The following C6 variants were observed in gnomAD, a reference collection of about 807,000 sequenced individuals.
The protein encoded by C6 is complement component C6.
C6 carries 101 observed loss-of-function variants against 112.9 expected under a neutral mutation model. That is an observed-to-expected ratio of 0.89 (90% confidence interval 0.76 to 1.06). The LOEUF is 1.06. C6 is among the 50% of genes least tolerant of loss of function. The pLI is 0.00. For synonymous variants in C6, 431 were observed against 384.1 expected (o/e 1.12, Z -1.43); for missense variants, 1,202 against 1,104.6 (o/e 1.09, Z -1.25).
intron 1 of C6, among the ~76,000 whole-genome samples, chr5:41,245,073 T>A (rs1010459774): frequency 1.3e-5 from 2 of 152,228 alleles, no homozygotes; most frequent in Non-Finnish European, 2.9e-5. Context: ...ATAATTATTT[T>A]TGTATCTATT....
Position 41,195,855 on chromosome 5 carries a change from C to T in C6, c.524G>A (p.Arg175Lys), listed in dbSNP as rs1455298198. The change falls in exon 5 of 18, where the codon AGG (arginine) becomes AAG (lysine). Residue 175 changes from arginine to lysine, a missense_variant. By Grantham distance (26) the Arg-to-Lys change is conservative (BLOSUM62 2). Coordinates refer to ENST00000337836, the MANE Select transcript of C6 (RefSeq NM_000065.5). Reference protein sequence around the residue: ...GDNSDERDCGRTKAVCTRKYN... With the variant: ...GDNSDERDCGKTKAVCTRKYN... ...CTTCCGTGTGCATACTGCCTTTGTC[C>T]TCCCACAGTCCCTTTCATCTGAATT... 3 of 1,613,978 alleles carry T rather than the reference C, an allele frequency of 1.9e-6. No homozygotes were observed. The highest frequency in any genetic ancestry group is 2.2e-5 in the East Asian group (1 of 44,858).
At chr5:41,153,470 G>A (rs1037258846) in intron 15 of C6, among the ~76,000 whole-genome samples, 1 of 152,098 alleles carries the variant, frequency 6.6e-6, no homozygotes, top group Non-Finnish European at 1.5e-5. Flanking sequence ...TTATGATCAG[G>A]AGTCTAGTGA....
At chr5:41,144,613 G>T (rs1465849925) in intron 17 of C6, among the ~76,000 whole-genome samples, 2 of 152,014 alleles carry the variant, frequency 1.3e-5, no homozygotes, top group Admixed American at 6.6e-5. Context: ...TAGTTTCAGG[G>T]ATACATGTGT....
chr5:41,234,765 T>C (rs977237811), intron 1 of C6, among the ~76,000 whole-genome samples: 30 of 152,174 alleles, frequency 2.0e-4, no homozygotes, highest in African/African-American at 6.8e-4. Context: ...AAATCAGCTT[T>C]ATAATCATGA....
intron 5 of C6, 137 bp downstream of exon 5, chr5:41,195,655 C>G: frequency 1.1e-6 from 1 of 915,840 alleles, no homozygotes; most frequent in Non-Finnish European, 1.8e-6. Context: ...AACATGGTAG[C>G]TAAGTATCAG....
chr5:41,163,039 A>G (rs1747666869), intron 9 of C6, among the ~76,000 whole-genome samples: 1 of 152,144 alleles, frequency 6.6e-6, no homozygotes, highest in African/African-American at 2.4e-5. Context: ...GGGGCATGGG[A>G]TCCTGAAGAA....
intron 9 of C6, among the ~76,000 whole-genome samples, chr5:41,164,339 C>T (rs1461035892): frequency 6.6e-6 from 1 of 152,092 alleles, no homozygotes; most frequent in East Asian, 1.9e-4. Context: ...TTAGGGAGAT[C>T]ATGGCCCTAA....
chr5:41,227,080 G>A (rs1462662645), intron 1 of C6, among the ~76,000 whole-genome samples: 1 of 152,076 alleles, frequency 6.6e-6, no homozygotes, highest in Admixed American at 6.6e-5. Context: ...CCAACAGTGT[G>A]TAAGAGTTTT....
chr5:41,153,668 G>C (rs1263339872), intron 15 of C6, 142 bp downstream of exon 15: 2 of 653,890 alleles, frequency 3.1e-6, no homozygotes, highest in Admixed American at 2.4e-5. Flanking sequence ...CTATTGCATA[G>C]TTCCGGTTTG....
rs866261314 is a variant in C6 at position 41,158,752 on chromosome 5, C to G, written c.1890G>C (p.Met630Ile). The G allele has an allele frequency of 1.2e-6, 2 of 1,605,852 alleles. No individual in the cohort carries two copies. Among genetic ancestry groups the G allele is most frequent in the African/African-American group, 1.3e-5 (1 of 74,668 alleles). Reference protein sequence around the residue: ...GQPCINDDEEMKEVDLPEIEA... With the variant: ...GQPCINDDEEIKEVDLPEIEA... The stretch of plus-strand genomic sequence containing the variant: ...CTATCTCAGGAAGATCGACCTCTTT[C>G]ATTTCTTCGTCATCATTGATACATG... Residue 630 changes from methionine (M) to isoleucine (I), a missense_variant, in exon 13 of 18, where the codon ATG (methionine) becomes ATC (isoleucine). Coordinates refer to ENST00000337836, the MANE Select transcript of C6 (RefSeq NM_000065.5).
chr5:41,183,976 TA>T (rs113701298), intron 6 of C6, among the ~76,000 whole-genome samples: 1,584 of 141,092 alleles, frequency 0.011, 28 homozygotes, highest in East Asian at 0.045. Context: ...TGGGGTCTAC[TA>T]GGGGGGGAAG....
At position 41,239,161 on chromosome 5, in the gene C6, G is replaced by C. The variant is rs1443211892; in HGVS notation, c.-21+22033C>G. On this transcript the variant is annotated intron_variant, in intron 1 of 17. Coordinates refer to the C6 transcript ENST00000263413. ...GATTCTTGCTCTGTCGCCCAGGCTGGAGTGCAAATGGCATGTTCTTGGTTC... is the reference window on the plus strand; with the variant it reads ...GATTCTTGCTCTGTCGCCCAGGCTGCAGTGCAAATGGCATGTTCTTGGTTC... 2.1e-5 allele frequency among the ~76,000 whole-genome samples: 3 copies of C among 145,448 alleles called. No homozygotes were observed. In the East Asian group the frequency reaches 6.0e-4, roughly 29 times the overall value.
At chr5:41,196,448 AG>A (rs1648270293) in intron 4 of C6, among the ~76,000 whole-genome samples, 1 of 151,890 alleles carries the variant, frequency 6.6e-6, no homozygotes, top group South Asian at 2.1e-4. Context: ...AGGGAGAAGG[AG>A]GGGGAATTAA....
chr5:41,158,966 A>T, intron 12 of C6, 116 bp downstream of exon 12: 1 of 1,314,798 alleles, frequency 7.6e-7, no homozygotes, highest in East Asian at 2.3e-5. Context: ...CTGTGTTGGC[A>T]TAGGTAAAGT....
intron 7 of C6, among the ~76,000 whole-genome samples, chr5:41,180,063 ACTCTGAT>A (rs1580126556): frequency 6.6e-6 from 1 of 152,154 alleles, no homozygotes; most frequent in East Asian, 1.9e-4. Context: ...TTAAATATTG[ACTCTGAT>A]AATCTCTTAG....
intron 1 of C6, among the ~76,000 whole-genome samples, chr5:41,254,198 G>A (rs934880944): frequency 2.0e-5 from 3 of 152,060 alleles, no homozygotes; most frequent in African/African-American, 7.2e-5. Context: ...TCAAGAGATC[G>A]AGACCATCCT....
chr5:41,203,350 T>C (rs1307738896), intron 1 of C6, 100 bp from the exon 2 acceptor site: 3 of 1,319,592 alleles, frequency 2.3e-6, no homozygotes, highest in African/African-American at 1.4e-5. Flanking sequence ...TTAGAAAATA[T>C]TTGCATTTTT....
chr5:41,152,784 G>A (rs1172080162), intron 15 of C6: 3 of 152,208 alleles, frequency 2.0e-5, no homozygotes, highest in East Asian at 3.9e-4. Context: ...CCTGGGAGGA[G>A]CAGCAAGGTA....
chr5:41,175,857 CAT>C (rs1233290650), intron 8 of C6, among the ~76,000 whole-genome samples: 1 of 152,176 alleles, frequency 6.6e-6, no homozygotes, highest in Non-Finnish European at 1.5e-5. Context: ...TGAAAGGAAA[CAT>C]AAAGCATGCA....
Sources: allele counts gnomAD v4.1 joint callset (sites outside exome capture counted in the v4.1 genomes callset), GRCh38; gene constraint gnomAD v4.1.1; transcripts MANE v1.5; gene names NCBI Gene and HGNC (gene_info 2026-07-23, HGNC 2026-07-21).